The following PTPRT variants were observed in gnomAD, a reference collection of about 807,000 sequenced individuals.
PTPRT encodes protein tyrosine phosphatase receptor type T.
A neutral mutation model predicts 176.8 loss-of-function variants in PTPRT; 56 were observed. The observed-to-expected ratio is 0.32, with a 90% CI of 0.26 to 0.40. The LOEUF is 0.40. PTPRT is among the 10% of genes least tolerant of loss of function. The pLI, the probability that PTPRT is intolerant of heterozygous loss-of-function variation, is 1.00. For synonymous variants in PTPRT, 783 were observed against 739.0 expected (o/e 1.06, Z -0.96); for missense variants, 1,540 against 1,908.2 (o/e 0.81, Z 3.60).
intron 2 of PTPRT, among the ~76,000 whole-genome samples, chr20:42,876,740 A>G (rs1384419694): frequency 6.6e-6 from 1 of 152,168 alleles, no homozygotes; most frequent in Non-Finnish European, 1.5e-5. Context: ...AGTTATTTTT[A>G]AATAACCGCC....
intron 11 of PTPRT, among the ~76,000 whole-genome samples, chr20:42,324,074 T>C (rs988718096): frequency 1.3e-5 from 2 of 152,216 alleles, no homozygotes; most frequent in Non-Finnish European, 2.9e-5. Context: ...AAACTGTTCA[T>C]AGAAGCATTA....
chr20:42,233,875 A>G (rs1399581537), intron 15 of PTPRT, among the ~76,000 whole-genome samples: 1 of 152,214 alleles, frequency 6.6e-6, no homozygotes, highest in Non-Finnish European at 1.5e-5. Context: ...GTCTGCACCA[A>G]TTGAAAGGCC....
intron 1 of PTPRT, among the ~76,000 whole-genome samples, chr20:42,981,202 T>G (rs1206132833): frequency 6.6e-6 from 1 of 152,222 alleles, no homozygotes; most frequent in East Asian, 1.9e-4. Flanking sequence ...CTTAGGCAGT[T>G]CCAACTGTGT....
intron 7 of PTPRT, among the ~76,000 whole-genome samples, chr20:42,601,008 A>C (rs1465160211): frequency 2.0e-5 from 3 of 152,092 alleles, no homozygotes; most frequent in African/African-American, 7.2e-5. Context: ...ACTGCATTGA[A>C]CCTTTCTGTT....
Position 42,887,713 on chromosome 20 carries a change from T to A in PTPRT, c.89-1781A>T, listed in dbSNP as rs554721403. Among the ~76,000 whole-genome samples, 12 of 152,348 alleles carry A rather than the reference T, an allele frequency of 7.9e-5. No homozygotes were observed. In the South Asian group the frequency reaches 2.5e-3, roughly 32 times the overall value. On this transcript the variant is annotated intron_variant, in intron 1 of 30. Transcript: ENST00000373187. Reference sequence around the variant, plus strand: ...AGTCCAAACACCATGGAAGAAAACCTGTGATAGAAAAGCTTTCTCCACTTT... The same window carrying A: ...AGTCCAAACACCATGGAAGAAAACCAGTGATAGAAAAGCTTTCTCCACTTT...
At chr20:42,767,977 T>TAC (rs35599788) in intron 5 of PTPRT, among the ~76,000 whole-genome samples, 29,002 of 125,036 alleles carry the variant, frequency 0.23, 3,365 homozygotes, top group Admixed American at 0.25. Context: ...TATAAAATTA[T>TAC]ACACACACAC....
At chr20:42,700,963 C>T (rs1205748967) in intron 6 of PTPRT, among the ~76,000 whole-genome samples, 2 of 152,150 alleles carry the variant, frequency 1.3e-5, no homozygotes, top group Non-Finnish European at 2.9e-5. Context: ...CCAGTGGGGG[C>T]GGTCCACACT....
chr20:42,343,602 C>T (rs959763016), intron 11 of PTPRT, among the ~76,000 whole-genome samples: 6 of 152,192 alleles, frequency 3.9e-5, no homozygotes, highest in African/African-American at 9.6e-5. Flanking sequence ...ATTTATATTT[C>T]GGAAAGGTGC....
At chr20:42,230,450 C>A (rs1260080753) in intron 15 of PTPRT, among the ~76,000 whole-genome samples, 1 of 152,158 alleles carries the variant, frequency 6.6e-6, no homozygotes, top group Non-Finnish European at 1.5e-5. Flanking sequence ...GGACACATGC[C>A]AACTCTTAAT....
At chr20:42,390,021 C>A (rs926682259) in intron 9 of PTPRT, among the ~76,000 whole-genome samples, 1 of 152,042 alleles carries the variant, frequency 6.6e-6, no homozygotes, top group Non-Finnish European at 1.5e-5. Context: ...CTGTGGTATT[C>A]GGTTATATCA....
intron 6 of PTPRT, among the ~76,000 whole-genome samples, chr20:42,708,132 A>C (rs1367723038): frequency 6.6e-6 from 1 of 152,186 alleles, no homozygotes; most frequent in Non-Finnish European, 1.5e-5. Flanking sequence ...ATAAAATGGT[A>C]CTCTCTTCTG....
intron 1 of PTPRT, among the ~76,000 whole-genome samples, chr20:43,047,245 CGTCCCAGTGT>C (rs773913746): frequency 2.0e-5 from 3 of 152,110 alleles, no homozygotes; most frequent in Non-Finnish European, 4.4e-5. Context: ...TTTTATTTGA[CGTCCCAGTGT>C]GTCTCCAGTC....
At chr20:42,856,703 G>A (rs2078569515) in intron 2 of PTPRT, among the ~76,000 whole-genome samples, 1 of 151,750 alleles carries the variant, frequency 6.6e-6, no homozygotes, top group Non-Finnish European at 1.5e-5. Context: ...ATGTAAAAAT[G>A]CATATACTAT....
intron 7 of PTPRT, among the ~76,000 whole-genome samples, chr20:42,588,609 A>C (rs963427709): frequency 6.6e-6 from 1 of 152,362 alleles, no homozygotes; most frequent in South Asian, 2.1e-4. Context: ...TTATGCATTT[A>C]AATAATATTT....
At chr20:42,865,428 C>T (rs1164960284) in intron 2 of PTPRT, among the ~76,000 whole-genome samples, 1 of 152,192 alleles carries the variant, frequency 6.6e-6, no homozygotes, top group Non-Finnish European at 1.5e-5. Context: ...TCACTCATCC[C>T]CTAACTCACT....
chr20:42,624,029 A>AAAAAC (rs1173198523), intron 7 of PTPRT, among the ~76,000 whole-genome samples: 1 of 149,244 alleles, frequency 6.7e-6, no homozygotes, highest in South Asian at 2.1e-4. Flanking sequence ...ACAAACAAAA[A>AAAAAC]AAAAAAACCC....
chr20:42,715,799 G>A lies in PTPRT; in HGVS notation c.860-37640C>T, dbSNP rs796066805. Among the ~76,000 whole-genome samples, 294 of 152,272 alleles carry A rather than the reference G, an allele frequency of 1.9e-3. 2 individuals carry two copies. Among genetic ancestry groups the A allele is most frequent in the Non-Finnish European group, 6.5e-4 (44 of 68,024 alleles). On this transcript the variant is annotated intron_variant, in intron 6 of 30. Transcript: ENST00000373187. Reference sequence around the variant, plus strand: ...CCCAAAATTGCTCTACAGACTTAGCGTAAATTTTGATCAAAATCCCAAAAG... The same window carrying A: ...CCCAAAATTGCTCTACAGACTTAGCATAAATTTTGATCAAAATCCCAAAAG...
intron 2 of PTPRT, among the ~76,000 whole-genome samples, chr20:42,857,798 C>T (rs2078591265): frequency 6.6e-6 from 1 of 152,162 alleles, no homozygotes; most frequent in South Asian, 2.1e-4. Context: ...AATCTTGTAG[C>T]CCACAAGCAA....
At chr20:42,220,374 C>T (rs537312225) in intron 15 of PTPRT, among the ~76,000 whole-genome samples, 23 of 152,110 alleles carry the variant, frequency 1.5e-4, no homozygotes, top group Middle Eastern at 3.4e-3. Flanking sequence ...AACAAGCTTG[C>T]GGATATCAAC....
Sources: allele counts gnomAD v4.1 joint callset (sites outside exome capture counted in the v4.1 genomes callset), GRCh38; gene constraint gnomAD v4.1.1; transcripts MANE v1.5; gene names NCBI Gene and HGNC (gene_info 2026-07-23, HGNC 2026-07-21).